ZKSCAN7: variants seen among roughly 807,000 people sequenced by gnomAD.
The protein encoded by ZKSCAN7 is zinc finger protein with KRAB and SCAN domains 7.
Under a neutral mutation model 65.3 loss-of-function variants are expected in ZKSCAN7, and 38 were observed. That is an observed-to-expected ratio of 0.58 (90% CI 0.45 to 0.76). The LOEUF is 0.76. ZKSCAN7 is among the 30% of genes least tolerant of loss of function. The pLI, the probability that ZKSCAN7 is intolerant of heterozygous loss-of-function variation, is 0.00. For synonymous variants in ZKSCAN7, 321 were observed against 321.0 expected, an observed-to-expected ratio of 1.00 and a Z score of 0.00; for missense variants, 815 against 913.3, an observed-to-expected ratio of 0.89 and a Z score of 1.39.
downstream of ZKSCAN7, chr3:44,572,249 TCA>T: frequency 1.0e-6 from 1 of 980,700 alleles, no homozygotes; most frequent in Non-Finnish European, 1.2e-6. Flanking sequence ...GTCCATCTCA[TCA>T]TAGAATATCA....
At chr3:44,573,662 C>G (rs9861605), downstream of ZKSCAN7, among the ~76,000 whole-genome samples, 44,266 of 152,070 alleles carry the variant, frequency 0.29, 6,975 homozygotes, top group Non-Finnish European at 0.32. Flanking sequence ...ATCCCAGGGA[C>G]AAGCCCAACC....
chr3:44,570,560 G>T lies in ZKSCAN7; in HGVS notation c.1450G>T (p.Asp484Tyr), dbSNP rs751426973. Residue 484 changes from aspartate to tyrosine, a missense_variant, in exon 6 of 6, where the codon GAC (aspartate) becomes TAC (tyrosine). By Grantham distance (160) the Asp-to-Tyr change is radical. Around this residue, in one of 3 missense-constraint regions of ZKSCAN7, gnomAD observed 578 missense variants for 629.5 expected, o/e 0.92. Coordinates refer to ENST00000426540, the MANE Select transcript of ZKSCAN7 (RefSeq NM_001288590.2). ...KAFTQSSRLT[D>Y]HQRTHTGEKP... is the part of the protein sequence containing the mutation. ...CTTTACTCAGAGTTCCCGACTCACT[G>T]ACCACCAGAGAACCCATACTGGGGA... is the stretch of plus-strand genomic sequence containing the variant. 1 of 1,612,452 alleles carries T rather than the reference G, an allele frequency of 6.2e-7. No individual in the cohort carries two copies. The highest frequency in any genetic ancestry group is 1.1e-5 in the South Asian group (1 of 90,970).
At chr3:44,559,068 C>T (rs79251011) in intron 2 of ZKSCAN7, among the ~76,000 whole-genome samples, 5,202 of 152,052 alleles carry the variant, frequency 0.034, 204 homozygotes, top group African/African-American at 0.097. Context: ...TGAGCTACCA[C>T]GCCTGGCCTG....
At chr3:44,578,118 A>C in intron 5 of ZKSCAN7, 1 of 1,550,350 alleles carries the variant, frequency 6.5e-7, no homozygotes, top group Non-Finnish European at 8.9e-7. Flanking sequence ...CTTTTCCCCC[A>C]GTGCTTCCGT....
chr3:44,569,925 G>C lies in ZKSCAN7; in HGVS notation c.815G>C (p.Gly272Ala). The C allele has an allele frequency of 6.6e-7, 1 of 1,526,294 alleles. No individual in the cohort carries two copies. Among genetic ancestry groups the C allele is most frequent in the Non-Finnish European group, 8.8e-7 (1 of 1,140,438 alleles). The allele number at this position is 1,526,294 out of a possible 1,614,324, so 94.5% of individuals were successfully genotyped here. ...ENHHSMASLA[G>A]ENMMKGSELT... is the part of the protein sequence containing the mutation. ...GTTGTCTTCTTTCTTTGGGCAGCAG[G>C]TGAGAACATGATGAAGGGTTCAGAG... Residue 272 changes from glycine (G) to alanine (A), a missense_variant, in exon 6 of 6, where the codon GGT becomes GCT. This residue lies in a region of ZKSCAN7 where 578 missense variants were observed against 629.5 expected (regional missense o/e 0.92). Transcript: ENST00000426540.
chr3:44,578,726 G>T (rs151049249), intron 5 of ZKSCAN7, among the ~76,000 whole-genome samples: 1 of 152,208 alleles, frequency 6.6e-6, no homozygotes, highest in Non-Finnish European at 1.5e-5. Flanking sequence ...TTCGATGGCT[G>T]AGATGGTGGC....
intron 2 of ZKSCAN7, among the ~76,000 whole-genome samples, chr3:44,563,634 G>A (rs1699546337): frequency 8.6e-6 from 1 of 115,990 alleles, no homozygotes; most frequent in Non-Finnish European, 1.7e-5. Flanking sequence ...GAACAGCAAG[G>A]GGGAAATCTT....
intron 5 of ZKSCAN7, among the ~76,000 whole-genome samples, chr3:44,578,465 T>C (rs1699975410): frequency 6.6e-6 from 1 of 152,236 alleles, no homozygotes; most frequent in Admixed American, 6.5e-5. Context: ...GGCATTGAGC[T>C]CCTGGTTCTC....
chr3:44,559,248 T>G (rs1339923281), intron 2 of ZKSCAN7, among the ~76,000 whole-genome samples: 1 of 152,122 alleles, frequency 6.6e-6, no homozygotes, highest in African/African-American at 2.4e-5. Context: ...TGATGTTTGA[T>G]TAGTACCAAG....
At chr3:44,569,340 T>G (rs1484397379) in intron 5 of ZKSCAN7, among the ~76,000 whole-genome samples, 2 of 152,256 alleles carry the variant, frequency 1.3e-5, no homozygotes, top group Non-Finnish European at 2.9e-5. Context: ...GGGCAGATCC[T>G]GTGGTTGACG....
At chr3:44,576,454 C>A (rs1222481872), downstream of ZKSCAN7, among the ~76,000 whole-genome samples, 1 of 151,786 alleles carries the variant, frequency 6.6e-6, no homozygotes, top group African/African-American at 2.4e-5. Context: ...TTTTTTTTTA[C>A]TTTCAGGATT....
chr3:44,578,907 G>A (rs111246444), intron 5 of ZKSCAN7, among the ~76,000 whole-genome samples: 8 of 152,302 alleles, frequency 5.3e-5, no homozygotes, highest in African/African-American at 1.9e-4. Flanking sequence ...CTCTGCTCCC[G>A]GCCCAGGGCC....
At chr3:44,582,207 A>G (rs1479918277) in intron 5 of ZKSCAN7, among the ~76,000 whole-genome samples, 3 of 152,194 alleles carry the variant, frequency 2.0e-5, no homozygotes, top group Non-Finnish European at 2.9e-5. Context: ...TTATTCACCA[A>G]ATCATAACAG....
intron 5 of ZKSCAN7, chr3:44,580,301 T>C: frequency 6.2e-7 from 1 of 1,613,898 alleles, no homozygotes; most frequent in Admixed American, 1.7e-5. Context: ...CGCTCTCCTC[T>C]TCTTTGCTCT....
intron 5 of ZKSCAN7, among the ~76,000 whole-genome samples, chr3:44,578,942 C>T (rs747737205): frequency 1.5e-4 from 23 of 152,206 alleles, no homozygotes; most frequent in Non-Finnish European, 2.8e-4. Flanking sequence ...CTGCAGGAGC[C>T]GGTTCTGCTC....
chr3:44,568,797 G>A (rs1424913253), intron 5 of ZKSCAN7, among the ~76,000 whole-genome samples: 1 of 152,198 alleles, frequency 6.6e-6, no homozygotes, highest in Non-Finnish European at 1.5e-5. Flanking sequence ...GGGAGCCTGA[G>A]CTGCAAAAGC....
chr3:44,559,957 T>G (rs1699417862), intron 2 of ZKSCAN7, among the ~76,000 whole-genome samples: 1 of 152,214 alleles, frequency 6.6e-6, no homozygotes, highest in South Asian at 2.1e-4. Flanking sequence ...AAGACATATT[T>G]AGAGAACCAT....
chr3:44,559,442 T>A (rs1699400570), intron 2 of ZKSCAN7, among the ~76,000 whole-genome samples: 1 of 152,180 alleles, frequency 6.6e-6, no homozygotes, highest in South Asian at 2.1e-4. Context: ...CAATGCTTTT[T>A]TTCCTAGAGA....
At chr3:44,562,986 A>G (rs1414478083) in intron 2 of ZKSCAN7, among the ~76,000 whole-genome samples, 2 of 151,314 alleles carry the variant, frequency 1.3e-5, no homozygotes, top group African/African-American at 2.5e-5. Context: ...CAAAAAAAAA[A>G]AAAGGAAATT....
Sources: allele counts gnomAD v4.1 joint callset (sites outside exome capture counted in the v4.1 genomes callset), GRCh38; gene constraint gnomAD v4.1.1; regional missense constraint gnomAD v4.1.1; transcripts MANE v1.5; gene names NCBI Gene and HGNC (gene_info 2026-07-23, HGNC 2026-07-21).